TRIM37: variants seen among roughly 807,000 people sequenced by gnomAD.
The protein encoded by TRIM37 is tripartite motif containing 37.
In TRIM37, 80 loss-of-function variants were observed where a neutral mutation model predicts 129.8. The observed-to-expected ratio is 0.62, with a 90% CI of 0.51 to 0.74. The LOEUF (loss-of-function observed/expected upper bound fraction) is 0.74. Ranked by LOEUF, TRIM37 falls within the 30% of genes least tolerant of loss-of-function variation. The pLI, the probability that TRIM37 is intolerant of heterozygous loss-of-function variation, is 0.00. For missense variants in TRIM37, 1,054 were observed against 1,176.5 expected (o/e 0.90, Z 1.52); for synonymous variants, 389 against 387.1 (o/e 1.00, Z -0.06).
At chr17:58,967,519 T>G in the TRIM37 span, among the ~76,000 whole-genome samples, 24,972 of 144,876 alleles carry the variant, frequency 0.17, 2,534 homozygotes, top group African/African-American at 0.31. Flanking sequence ...TATATATATA[T>G]AGAGAGAGAG....
rs754637496 is a variant in TRIM37 at position 59,049,364 on chromosome 17, C to G, written c.1344G>C (p.Gln448His). ...ERLTIELSRT[Q>H]KSRDLSPPDN... ...CTGGTGGTGACAAATCTCTTGACTT[C>G]TGAGTTCGAGACAGCTCAATAGTAA... The change falls in exon 15 of 24, where the codon CAG becomes CAC. Residue 448 changes from glutamine (Q) to histidine (H), a missense_variant. By Grantham distance (24) the Gln-to-His change is conservative. Coordinates refer to ENST00000262294, the MANE Select transcript of TRIM37 (RefSeq NM_015294.6). The G allele has an allele frequency of 1.2e-6, 2 of 1,614,064 alleles. No individual in the cohort carries two copies. The highest frequency in any genetic ancestry group is 2.2e-5 in the South Asian group (2 of 91,072).
the TRIM37 span, among the ~76,000 whole-genome samples, chr17:58,970,598 T>C: frequency 6.6e-6 from 1 of 152,188 alleles, no homozygotes; most frequent in East Asian, 1.9e-4. Flanking sequence ...CAAGCAATAA[T>C]GGGGCTTAGA....
downstream of TRIM37, chr17:58,980,396 C>G: frequency 1.2e-6 from 2 of 1,614,092 alleles, no homozygotes; most frequent in Non-Finnish European, 1.7e-6. The surrounding 1 kb of genome is among the most constrained non-coding windows in gnomAD (Gnocchi z 4.7). Flanking sequence ...CTATGATGGG[C>G]GTGTGGATTC....
the TRIM37 span, chr17:58,972,924 T>C: frequency 6.2e-7 from 1 of 1,611,726 alleles, no homozygotes; most frequent in Non-Finnish European, 8.5e-7. Context: ...CCAGAGCTAT[T>C]GGTAGGAAAA....
At chr17:59,041,417 A>G (rs1326196193) in intron 17 of TRIM37, among the ~76,000 whole-genome samples, 3 of 152,336 alleles carry the variant, frequency 2.0e-5, no homozygotes, top group East Asian at 3.9e-4. Context: ...AGATATACAA[A>G]TAAGACTTTA....
chr17:59,058,116 C>T (rs1192634564), intron 12 of TRIM37, among the ~76,000 whole-genome samples: 1 of 151,994 alleles, frequency 6.6e-6, no homozygotes, highest in Non-Finnish European at 1.5e-5. Context: ...TTTGCCAGTA[C>T]AAGTGATAAG....
downstream of TRIM37, chr17:58,980,086 G>A (rs1444105503): frequency 1.2e-6 from 2 of 1,614,140 alleles, no homozygotes; most frequent in South Asian, 1.1e-5. The surrounding 1 kb of genome is among the most constrained non-coding windows in gnomAD (Gnocchi z 4.7). Flanking sequence ...ATGACACCGT[G>A]AACCCTGATG....
intron 19 of TRIM37, among the ~76,000 whole-genome samples, chr17:59,026,670 C>T (rs746290565): frequency 4.6e-5 from 7 of 152,234 alleles, no homozygotes; most frequent in South Asian, 4.1e-4. Context: ...CTATTGACCC[C>T]GCACCTCCTC....
chr17:59,001,151 C>A (rs986465004), intron 23 of TRIM37, among the ~76,000 whole-genome samples: 3 of 148,730 alleles, frequency 2.0e-5, no homozygotes. Context: ...GCCAAGATCA[C>A]GCCACAGCAC....
chr17:59,035,728 C>T (rs922371227), intron 17 of TRIM37, among the ~76,000 whole-genome samples: 2 of 151,626 alleles, frequency 1.3e-5, no homozygotes, highest in African/African-American at 4.9e-5. Flanking sequence ...GCTTGGGCAA[C>T]AGAGCGAGAT....
At chr17:59,029,150 A>T (rs922508244) in intron 18 of TRIM37, among the ~76,000 whole-genome samples, 1 of 152,226 alleles carries the variant, frequency 6.6e-6, no homozygotes, top group Non-Finnish European at 1.5e-5. Context: ...ATTTCTGGCC[A>T]GGTGCAGTGG....
chr17:59,100,633 G>A (rs2045369729), intron 2 of TRIM37, among the ~76,000 whole-genome samples: 1 of 152,134 alleles, frequency 6.6e-6, no homozygotes, highest in Non-Finnish European at 1.5e-5. Flanking sequence ...AGTAGAGGGA[G>A]GAATTACCAA....
chr17:59,000,716 A>G (rs2033609887), intron 23 of TRIM37, among the ~76,000 whole-genome samples: 1 of 152,228 alleles, frequency 6.6e-6, no homozygotes, highest in African/African-American at 2.4e-5. Flanking sequence ...AGGAGGGAAT[A>G]AAAATTATTT....
chr17:59,032,321 C>T (rs369501915), intron 17 of TRIM37, among the ~76,000 whole-genome samples: 23 of 150,398 alleles, frequency 1.5e-4, no homozygotes, highest in East Asian at 7.9e-4. Flanking sequence ...GTCAGGAGAT[C>T]GAGACCATCC....
chr17:59,023,624 T>C (rs1204753453), intron 19 of TRIM37, among the ~76,000 whole-genome samples: 1 of 151,698 alleles, frequency 6.6e-6, no homozygotes, highest in African/African-American at 2.4e-5. Context: ...TACTGTACCC[T>C]AGCCTGGGTG....
rs558565809 is a variant in TRIM37, at chr17:59,023,137, G to A, written c.2257+5278C>T. On this transcript the variant is annotated intron_variant, in intron 19 of 23. Coordinates refer to ENST00000262294, the MANE Select transcript of TRIM37 (RefSeq NM_015294.6). The stretch of plus-strand genomic sequence containing the variant: ...GTCACCTAGGCTGGAGTGTGGTGGC[G>A]CAATCTTGGCTCACTGCAACCTCCA... Among the ~76,000 whole-genome samples the A allele has an allele frequency of 3.9e-5, 6 of 152,062 alleles. No homozygotes were observed. The South Asian group carries it at 6.2e-4, about 16-fold the overall frequency.
At chr17:58,991,459 C>T (rs1375207153) in intron 24 of TRIM37, among the ~76,000 whole-genome samples, 1 of 152,022 alleles carries the variant, frequency 6.6e-6, no homozygotes, top group Non-Finnish European at 1.5e-5. Context: ...TCGCTTCAAC[C>T]TGGGAGGTGG....
chr17:59,032,721 AAGG>A (rs1442388604), intron 17 of TRIM37, among the ~76,000 whole-genome samples: 2 of 152,068 alleles, frequency 1.3e-5, no homozygotes, highest in East Asian at 3.9e-4. Flanking sequence ...GGGTAAGGAG[AAGG>A]AGATTATATC....
intron 20 of TRIM37, among the ~76,000 whole-genome samples, chr17:59,016,599 CAAAAAAAAAAA>C (rs57582105): frequency 7.7e-4 from 16 of 20,766 alleles, no homozygotes; most frequent in East Asian, 7.0e-3. Flanking sequence ...CCTGTCTCGG[CAAAAAAAAAAA>C]AAAAAAAAAA....
Sources: allele counts gnomAD v4.1 joint callset (sites outside exome capture counted in the v4.1 genomes callset), GRCh38; gene constraint gnomAD v4.1.1; non-coding constraint Gnocchi (gnomAD v3.1); transcripts MANE v1.5; gene names NCBI Gene and HGNC (gene_info 2026-07-23, HGNC 2026-07-21).